TMEM245: variants seen among roughly 807,000 people sequenced by gnomAD.
TMEM245 encodes the protein protein CG-2.
A neutral mutation model predicts 101.2 loss-of-function variants in TMEM245; 69 were observed. The observed-to-expected ratio is 0.68, with a 90% confidence interval of 0.56 to 0.83. The LOEUF is 0.83. Ranked by LOEUF, TMEM245 falls within the 40% of genes least tolerant of loss-of-function variation. The probability of loss-of-function intolerance (pLI) is 0.00; values close to 1 mark genes in which losing one functional copy is unlikely to be tolerated. For synonymous variants in TMEM245, 537 were observed against 449.8 expected (o/e 1.19, Z -2.45); for missense variants, 1,075 against 1,092.8 (o/e 0.98, Z 0.23).
At chr9:109,063,364 G>A (rs771376123) in intron 10 of TMEM245, among the ~76,000 whole-genome samples, 2 of 152,088 alleles carry the variant, frequency 1.3e-5, no homozygotes, top group Admixed American at 6.5e-5. Flanking sequence ...ATGATCCGCC[G>A]CCTGCCTTGG....
In TMEM245 at chr9:109,018,767, A is replaced by T. The variant is rs1250417205; in HGVS notation, c.*1693T>A. On this transcript the variant is annotated 3_prime_UTR_variant, in exon 18 of 18. Coordinates refer to ENST00000374586, the MANE Select transcript of TMEM245 (RefSeq NM_032012.4). ...TTTTTTTTCCTTGGGACAGTGTCTCACTCTCTCACCCAGGCTGGAGTGCAG... is the reference window on the plus strand; with the variant it reads ...TTTTTTTTCCTTGGGACAGTGTCTCTCTCTCTCACCCAGGCTGGAGTGCAG... The T allele has an allele frequency of 6.6e-6, 1 of 150,414 alleles. No homozygotes were observed. The highest frequency in any genetic ancestry group is 1.5e-5 in the Non-Finnish European group (1 of 67,760). The allele number at this position is 150,414 out of a possible 1,614,324, so 9.3% of individuals were successfully genotyped here. A position where few individuals can be genotyped will look rare whatever the true frequency, so the allele number is the denominator to read the frequency against.
At chr9:109,041,763 T>C (rs1444357956) in intron 14 of TMEM245, among the ~76,000 whole-genome samples, 4 of 152,102 alleles carry the variant, frequency 2.6e-5, no homozygotes, top group Non-Finnish European at 4.4e-5. Flanking sequence ...GTAATGAATA[T>C]ATTAATTAGC....
At chr9:109,094,709 C>T (rs1830093520) in intron 3 of TMEM245, among the ~76,000 whole-genome samples, 1 of 152,138 alleles carries the variant, frequency 6.6e-6, no homozygotes, top group African/African-American at 2.4e-5. Context: ...CTAACCAATA[C>T]CTCCTACTAT....
Position 109,020,146 on chromosome 9 carries a change from G to C in TMEM245, c.*314C>G, listed in dbSNP as rs1435186238. The C allele has an allele frequency of 3.7e-6, 1 of 271,768 alleles. No homozygotes were observed. The highest frequency in any genetic ancestry group is 7.2e-6 in the Non-Finnish European group (1 of 139,564). The allele number at this position is 271,768 out of a possible 1,614,324, so 16.8% of individuals were successfully genotyped here. A position where few individuals can be genotyped will look rare whatever the true frequency, so the allele number is the denominator to read the frequency against. ...AATAACTTTATAAATATATAATATA[G>C]TAACATAGATAACCAAAGTGGAAAA... On this transcript the variant is annotated 3_prime_UTR_variant, in exon 18 of 18. Coordinates refer to ENST00000374586, the MANE Select transcript of TMEM245 (RefSeq NM_032012.4).
chr9:109,015,435 A>T lies in TMEM245; in HGVS notation c.*5025T>A, dbSNP rs1403911558. On this transcript the variant is annotated 3_prime_UTR_variant, in exon 18 of 18. Coordinates refer to ENST00000374586, the MANE Select transcript of TMEM245 (RefSeq NM_032012.4). ...GGAAATACACTTCAGTTACCTAAAT[A>T]AGTGGCACTGCAAAGGGCAAAGAAG... 2.0e-5 allele frequency: 3 copies of T among 152,298 alleles called. No homozygotes were observed. 9.4% of individuals were successfully genotyped at this position (152,298 alleles called of 1,614,324 possible).
chr9:109,050,317 T>G lies in TMEM245; in HGVS notation c.2089A>C (p.Asn697His). 2 of 1,614,080 alleles carry G rather than the reference T, an allele frequency of 1.2e-6. No homozygotes were observed. Among genetic ancestry groups the G allele is most frequent in the African/African-American group, 1.3e-5 (1 of 75,028 alleles). Reference protein sequence around the residue: ...TPLSQPGPSSNIIGQSVEEAI... With the variant: ...TPLSQPGPSSHIIGQSVEEAI... ...TCTTCCACAGACTGGCCAATAATAT[T>G]AGAAGAAGGACCTGGCTGAGATAGT... The change falls in exon 14 of 18, where the codon AAT becomes CAT. Residue 697 changes from asparagine (N) to histidine (H), a missense_variant. Physicochemically the swap from Asn to His is moderately conservative, Grantham distance 68. Coordinates refer to ENST00000374586, the MANE Select transcript of TMEM245 (RefSeq NM_032012.4).
At chr9:109,026,348 T>C (rs550971514) in intron 17 of TMEM245, among the ~76,000 whole-genome samples, 3 of 152,058 alleles carry the variant, frequency 2.0e-5, no homozygotes, top group Admixed American at 2.0e-4. Flanking sequence ...AAGGAGGCCA[T>C]AACCTAATCT....
chr9:109,021,302 T>C (rs1827614499), intron 17 of TMEM245, among the ~76,000 whole-genome samples: 1 of 152,164 alleles, frequency 6.6e-6, no homozygotes, highest in African/African-American at 2.4e-5. Context: ...GCACCCATAT[T>C]AGACAAAAAT....
intron 16 of TMEM245, among the ~76,000 whole-genome samples, chr9:109,034,236 A>G (rs149883239): frequency 2.0e-5 from 3 of 152,366 alleles, no homozygotes; most frequent in African/African-American, 7.2e-5. Context: ...GATGAGAAGA[A>G]CAATTCAGTG....
chr9:109,060,321 T>C, intron 11 of TMEM245, 33 bp downstream of exon 11: 2 of 1,506,668 alleles, frequency 1.3e-6, no homozygotes, highest in Non-Finnish European at 1.8e-6. Flanking sequence ...CTTTATTAGT[T>C]TACAACAGGA....
rs1827463348 is a variant in TMEM245, at chr9:109,016,932, T to G, written c.*3528A>C. 1 of 141,910 alleles carries G rather than the reference T, an allele frequency of 7.0e-6. No individual in the cohort carries two copies. Among genetic ancestry groups the G allele is most frequent in the Non-Finnish European group, 1.6e-5 (1 of 62,738 alleles). The allele number at this position is 141,910 out of a possible 1,614,324, so 8.8% of individuals were successfully genotyped here. On this transcript the variant is annotated 3_prime_UTR_variant, in exon 18 of 18. Coordinates refer to ENST00000374586, the MANE Select transcript of TMEM245 (RefSeq NM_032012.4). ...GAGTATGAGAAGTCCTAAGGGTTTT[T>G]GTATTTTGTTTTTTTTTCCTATAAA...
intron 10 of TMEM245, among the ~76,000 whole-genome samples, chr9:109,062,609 G>A (rs1001955169): frequency 6.6e-6 from 1 of 152,168 alleles, no homozygotes; most frequent in Non-Finnish European, 1.5e-5. Flanking sequence ...CAATGCAAAC[G>A]TATCTGTTCA....
intron 3 of TMEM245, among the ~76,000 whole-genome samples, chr9:109,105,585 G>C (rs1028813343): frequency 6.6e-6 from 1 of 152,192 alleles, no homozygotes; most frequent in African/African-American, 2.4e-5. Context: ...ACAAATGGTA[G>C]AAATAACCCA....
intron 11 of TMEM245, among the ~76,000 whole-genome samples, chr9:109,059,450 G>A (rs1292797477): frequency 1.3e-5 from 2 of 152,018 alleles, no homozygotes; most frequent in African/African-American, 2.4e-5. Context: ...GCTCCTGCTA[G>A]CCCACAGGCC....
chr9:109,039,703 TA>T (rs994586494), intron 14 of TMEM245, among the ~76,000 whole-genome samples: 9 of 152,012 alleles, frequency 5.9e-5, no homozygotes, highest in Admixed American at 3.3e-4. Flanking sequence ...ATAAAGGACC[TA>T]AAGACAAAGA....
At chr9:109,059,050 TCC>T (rs1828931517) in intron 11 of TMEM245, among the ~76,000 whole-genome samples, 1 of 152,092 alleles carries the variant, frequency 6.6e-6, no homozygotes, top group South Asian at 2.1e-4. Context: ...ACACTGACCT[TCC>T]TCTACTATAA....
At chr9:109,036,765 A>G (rs1828139314) in intron 15 of TMEM245, among the ~76,000 whole-genome samples, 1 of 152,204 alleles carries the variant, frequency 6.6e-6, no homozygotes, top group Non-Finnish European at 1.5e-5. Context: ...TCTAAACCTC[A>G]GCATAATAAA....
chr9:109,036,169 G>T, intron 16 of TMEM245, 37 bp downstream of exon 16: 1 of 1,513,110 alleles, frequency 6.6e-7, no homozygotes, highest in Non-Finnish European at 8.8e-7. Context: ...GAAATGCCTG[G>T]ATGATTCACT....
At position 109,106,613 on chromosome 9, in the gene TMEM245, C is replaced by T. The variant is rs1414670678; in HGVS notation, c.698-4G>A. The T allele has an allele frequency of 2.5e-6, 4 of 1,596,926 alleles. No individual in the cohort carries two copies. The highest frequency in any genetic ancestry group is 3.4e-6 in the Non-Finnish European group (4 of 1,169,548). On this transcript the variant is annotated splice_region_variant and splice_polypyrimidine_tract_variant and intron_variant, in intron 2 of 17. Transcript: ENST00000374586. Reference sequence around the variant, plus strand: ...CTCCATGAGCCAGCCAGGGATGCTGCAAATTATTAAGAATTAACATTTTTA... The same window carrying T: ...CTCCATGAGCCAGCCAGGGATGCTGTAAATTATTAAGAATTAACATTTTTA...
Sources: gnomAD v4.1 joint callset for allele counts (sites outside exome capture counted in the v4.1 genomes callset) on GRCh38, gnomAD v4.1.1 for gene constraint, MANE v1.5 for transcripts, NCBI Gene and HGNC (gene_info 2026-07-23, HGNC 2026-07-21) for gene names.